Variants in VPS13B observed in about 807,000 individuals in gnomAD.
The protein encoded by VPS13B is vacuolar protein sorting 13 homolog B, also known as intermembrane lipid transfer protein VPS13B.
A neutral mutation model predicts 426.4 loss-of-function variants in VPS13B; 285 were observed. The ratio of observed to expected loss-of-function variants is 0.67; its 90% CI spans 0.61 to 0.74. The LOEUF (loss-of-function observed/expected upper bound fraction) is 0.74, where lower values mean the gene tolerates loss of function less well. Among genes scored for constraint, VPS13B ranks in the 30% least tolerant of loss-of-function variants. The pLI, the probability that VPS13B is intolerant of heterozygous loss-of-function variation, is 0.00. For missense variants in VPS13B, 4,537 were observed against 4,782.6 expected (o/e 0.95, Z 1.51); for synonymous variants, 1,676 against 1,676.4 (o/e 1.00, Z 0.01).
Position 99,326,452 on chromosome 8 carries a change from C to CTTTTTTTTTTTTTTTTT in VPS13B, c.2824+51212_2824+51228dup. Among the ~76,000 whole-genome samples the CTTTTTTTTTTTTTTTTT allele has an allele frequency of 5.5e-3, 179 of 32,524 alleles. 62 individuals carry two copies. The highest frequency in any genetic ancestry group is 6.2e-3 in the Non-Finnish European group (119 of 19,166). 21.3% of individuals were successfully genotyped at this position (32,524 alleles called of 152,430 possible). ...ATTTCTATCTATCATCTCTAGGTAGCTTTTTTTTTTTTTTTTTTTTTTTTT... is the reference window on the plus strand; with the variant it reads ...ATTTCTATCTATCATCTCTAGGTAGCTTTTTTTTTTTTTTTTTTTTTTTTTTTTTTTTTTTTTTTTTT... On this transcript the variant is annotated intron_variant, in intron 19 of 61. Transcript: ENST00000357162.
At chr8:99,808,482 C>T (rs1813521083) in intron 43 of VPS13B, among the ~76,000 whole-genome samples, 1 of 147,426 alleles carries the variant, frequency 6.8e-6, no homozygotes, top group Admixed American at 6.8e-5. Flanking sequence ...TGTCACTGCA[C>T]TCCAGCCTGG....
chr8:99,662,674 C>G (rs1309465125), intron 35 of VPS13B, among the ~76,000 whole-genome samples: 1 of 152,062 alleles, frequency 6.6e-6, no homozygotes, highest in Non-Finnish European at 1.5e-5. Context: ...TCCTGAACTC[C>G]TAAACTCAAG....
chr8:99,568,034 C>T (rs1317857664), intron 31 of VPS13B, among the ~76,000 whole-genome samples: 2 of 151,980 alleles, frequency 1.3e-5, no homozygotes, highest in Non-Finnish European at 2.9e-5. Context: ...TGGAGTGTTT[C>T]TGCTGAGAGT....
intron 30 of VPS13B, chr8:99,536,784 A>T (rs780773850): frequency 1.9e-6 from 1 of 527,590 alleles, no homozygotes; most frequent in East Asian, 5.5e-5. Context: ...CACGAAGCTT[A>T]TGTTCAGTGA....
At chr8:99,503,614 C>T (rs1193705412) in intron 27 of VPS13B, among the ~76,000 whole-genome samples, 1 of 152,124 alleles carries the variant, frequency 6.6e-6, no homozygotes, top group African/African-American at 2.4e-5. Context: ...CAGCATCTTC[C>T]CCAGGAGTAT....
intron 3 of VPS13B, among the ~76,000 whole-genome samples, chr8:99,053,946 C>T (rs917678993): frequency 4.6e-5 from 7 of 152,220 alleles, no homozygotes; most frequent in African/African-American, 1.7e-4. Flanking sequence ...TCAGGTGATC[C>T]TCCTGCCTCG....
intron 35 of VPS13B, among the ~76,000 whole-genome samples, chr8:99,665,104 CATAAATGTCTTCTTTTGAG>C (rs748861653): frequency 1.3e-4 from 20 of 152,330 alleles, no homozygotes; most frequent in Non-Finnish European, 2.6e-4. Context: ...TTTTTGGCTA[CATAAATGTCTTCTTTTGAG>C]AAGTGTCTGT....
At chr8:99,328,707 G>C (rs1810407078) in intron 19 of VPS13B, among the ~76,000 whole-genome samples, 1 of 152,076 alleles carries the variant, frequency 6.6e-6, no homozygotes, top group Non-Finnish European at 1.5e-5. Flanking sequence ...GCTATTTTAT[G>C]CAAATAAAGA....
At chr8:99,746,833 G>T (rs1403617580) in intron 39 of VPS13B, among the ~76,000 whole-genome samples, 1 of 152,094 alleles carries the variant, frequency 6.6e-6, no homozygotes, top group Non-Finnish European at 1.5e-5. Flanking sequence ...CAATGCTAAT[G>T]TTATACATGC....
At chr8:99,466,488 A>G (rs1048596289) in intron 23 of VPS13B, among the ~76,000 whole-genome samples, 2 of 152,162 alleles carry the variant, frequency 1.3e-5, no homozygotes, top group African/African-American at 4.8e-5. Context: ...ATATTCTAAT[A>G]CTAAATGGAC....
chr8:99,188,303 A>G (rs990140918), intron 16 of VPS13B, among the ~76,000 whole-genome samples: 1 of 152,266 alleles, frequency 6.6e-6, no homozygotes, highest in Admixed American at 6.5e-5. Context: ...CTATGAGTCT[A>G]GACATTTTAT....
chr8:99,598,487 T>A (rs1351283075), intron 33 of VPS13B, among the ~76,000 whole-genome samples: 1 of 152,078 alleles, frequency 6.6e-6, no homozygotes, highest in Admixed American at 6.6e-5. Context: ...TAGCAAGTAA[T>A]CATCTTATTA....
intron 21 of VPS13B, among the ~76,000 whole-genome samples, chr8:99,427,662 C>A (rs1422131730): frequency 6.6e-6 from 1 of 152,010 alleles, no homozygotes; most frequent in Non-Finnish European, 1.5e-5. Context: ...GAAGAACATT[C>A]CATGCTCATG....
At chr8:99,529,899 A>G (rs920085750) in intron 30 of VPS13B, among the ~76,000 whole-genome samples, 10 of 152,202 alleles carry the variant, frequency 6.6e-5, no homozygotes, top group African/African-American at 1.4e-4. Flanking sequence ...ACCTTATCCT[A>G]TACTTTAAAT....
At chr8:99,497,050 A>G (rs1443646976) in intron 25 of VPS13B, among the ~76,000 whole-genome samples, 1 of 147,126 alleles carries the variant, frequency 6.8e-6, no homozygotes, top group East Asian at 2.0e-4. Flanking sequence ...GAATACTAGA[A>G]TATTTATTTA....
chr8:99,055,900 ATTTTTTT>A (rs71273158), intron 3 of VPS13B, among the ~76,000 whole-genome samples: 1 of 107,856 alleles, frequency 9.3e-6, no homozygotes, highest in Non-Finnish European at 1.9e-5. Flanking sequence ...TGGCTAATTA[ATTTTTTT>A]TTTTTTTTTT....
intron 24 of VPS13B, among the ~76,000 whole-genome samples, chr8:99,477,895 G>T (rs962760958): frequency 6.6e-6 from 1 of 151,946 alleles, no homozygotes; most frequent in Non-Finnish European, 1.5e-5. Flanking sequence ...TCTTAACTAT[G>T]TGACCAAAGT....
intron 4 of VPS13B, among the ~76,000 whole-genome samples, chr8:99,096,914 C>T (rs1340942681): frequency 2.0e-5 from 3 of 152,032 alleles, no homozygotes; most frequent in Non-Finnish European, 4.4e-5. Context: ...TGTACCAAGC[C>T]CAAGGTACTT....
At chr8:99,609,992 G>C (rs1289845502) in intron 33 of VPS13B, among the ~76,000 whole-genome samples, 1 of 152,156 alleles carries the variant, frequency 6.6e-6, no homozygotes, top group Non-Finnish European at 1.5e-5. Flanking sequence ...GACCTCGGGG[G>C]ATCTGTGGAC....
Sources: allele counts gnomAD v4.1 joint callset (sites outside exome capture counted in the v4.1 genomes callset), GRCh38; gene constraint gnomAD v4.1.1; transcripts MANE v1.5; gene names NCBI Gene and HGNC (gene_info 2026-07-23, HGNC 2026-07-21).